CSF2RA: variants seen among roughly 807,000 people sequenced by gnomAD.
CSF2RA encodes colony stimulating factor 2 receptor subunit alpha.
CSF2RA carries 42 observed loss-of-function variants against 51.6 expected under a neutral mutation model. The observed-to-expected ratio is 0.81, with a 90% CI of 0.64 to 1.05. The LOEUF (loss-of-function observed/expected upper bound fraction) is 1.05, where lower values mean the gene tolerates loss of function less well. CSF2RA is among the 50% of genes least tolerant of loss of function. The pLI is 0.00. For missense variants in CSF2RA, 530 were observed against 501.1 expected (o/e 1.06, Z -0.55); for synonymous variants, 222 against 193.0 (o/e 1.15, Z -1.24).
chrX:1,297,594 CCCCTGGAGGAA>C (rs2092048334), intron 9 of CSF2RA, among the ~76,000 whole-genome samples: 1 of 59,568 alleles, frequency 1.7e-5, no homozygotes. Context: ...CTACCCATGA[CCCCTGGAGGAA>C]CCCTACAGTC....
rs1356024060 is a variant in CSF2RA, at chrX:1,300,545, A to G, written c.865A>G (p.Arg289Gly). The change falls in exon 10 of 13, where the codon AGA becomes GGA. Residue 289 changes from arginine to glycine, a missense_variant. Arg to Gly is a moderately radical substitution (Grantham distance 125). Transcript: ENST00000381529. ...ATACAACTTTCCAAGCTCTGAGCCC[A>G]GAGCAAAACACAGTGTGAAGATCAG... ...NRYNFPSSEP[R>G]AKHSVKIRAA... 2.5e-6 allele frequency: 4 copies of G among 1,613,856 alleles called. No individual in the cohort carries two copies. The highest frequency in any genetic ancestry group is 3.4e-6 in the Non-Finnish European group (4 of 1,179,870).
the CSF2RA span, among the ~76,000 whole-genome samples, chrX:1,319,670 C>G: frequency 6.7e-6 from 1 of 149,236 alleles, no homozygotes; most frequent in Non-Finnish European, 1.5e-5. Flanking sequence ...CCTGCCTCAG[C>G]CTCCCAAAGT....
chrX:1,319,872 G>A, the CSF2RA span, among the ~76,000 whole-genome samples: 1 of 143,014 alleles, frequency 7.0e-6, no homozygotes. Flanking sequence ...GTGCCACCAC[G>A]CCTGGCTAAT....
chrX:1,300,773 G>C, intron 10 of CSF2RA, 147 bp downstream of exon 10: 2 of 1,066,672 alleles, frequency 1.9e-6, no homozygotes, highest in Non-Finnish European at 2.9e-6. Flanking sequence ...TATCGCTGAG[G>C]CTCAAAAGAA....
the CSF2RA span, among the ~76,000 whole-genome samples, chrX:1,325,062 G>A: frequency 8.6e-5 from 13 of 151,798 alleles, no homozygotes; most frequent in African/African-American, 2.9e-4. Context: ...GCCCCGTCCT[G>A]AGTTGAAAAC....
In CSF2RA at chrX:1,305,538, G is replaced by T. The variant is rs2083471181; in HGVS notation, c.1125+11G>T. On this transcript the variant is annotated intron_variant, in intron 12 of 12. Coordinates refer to ENST00000381529, the MANE Select transcript of CSF2RA (RefSeq NM_172245.4). ...GAGGTGGAAGACGAGGTAGGCAGGG[G>T]TGGGCGGAGCAGTGACCTGGGATGG... is the stretch of plus-strand genomic sequence containing the variant. 6.2e-7 allele frequency: 1 copy of T among 1,613,966 alleles called. No homozygotes were observed. The highest frequency in any genetic ancestry group is 2.2e-5 in the East Asian group (1 of 44,880).
At chrX:1,310,622 C>G (rs1321292893), downstream of CSF2RA, among the ~76,000 whole-genome samples, 1 of 146,562 alleles carries the variant, frequency 6.8e-6, no homozygotes, top group Non-Finnish European at 1.5e-5. Flanking sequence ...GAACCGAGAT[C>G]ACAACACCGC....
intron 4 of CSF2RA, chrX:1,287,147 CTTT>C (rs760358278): frequency 1.4e-4 from 15 of 110,794 alleles, no homozygotes; most frequent in Non-Finnish European, 2.0e-4. Context: ...AGATGACATA[CTTT>C]TTTTTTTTTT....
At chrX:1,316,132 C>G in the CSF2RA span, among the ~76,000 whole-genome samples, 4 of 149,294 alleles carry the variant, frequency 2.7e-5, no homozygotes, top group Middle Eastern at 6.9e-3. Context: ...TAGACAGATA[C>G]ATAGATAGAT....
At chrX:1,306,401 C>T (rs1336830658) in intron 12 of CSF2RA, among the ~76,000 whole-genome samples, 1 of 152,050 alleles carries the variant, frequency 6.6e-6, no homozygotes, top group East Asian at 1.9e-4. Flanking sequence ...CATCCCAGCA[C>T]TTTGGGAGGC....
chrX:1,274,469 C>T lies in CSF2RA; in HGVS notation c.-90-286C>T, dbSNP rs752056761. ...CCTTCTGAGTAGCTGGGATTATAGG[C>T]ACCCACTACCGCGCCCAGCTAATTT... On this transcript the variant is annotated intron_variant, in intron 1 of 12. Coordinates refer to ENST00000381529, the MANE Select transcript of CSF2RA (RefSeq NM_172245.4). 1.9e-3 allele frequency among the ~76,000 whole-genome samples: 285 copies of T among 148,996 alleles called. 1 individual carries two copies. Among genetic ancestry groups the T allele is most frequent in the Non-Finnish European group, 3.4e-3 (232 of 67,414 alleles).
At chrX:1,273,697 C>T (rs2088757586) in intron 1 of CSF2RA, among the ~76,000 whole-genome samples, 1 of 151,362 alleles carries the variant, frequency 6.6e-6, no homozygotes, top group South Asian at 2.1e-4. Flanking sequence ...TCTCCTGCCT[C>T]AGTCTCCCGA....
Position 1,295,444 on chromosome X carries a change from G to A in CSF2RA, c.798G>A (p.Thr266=), listed in dbSNP as rs202145773. Residue 266 remains threonine (T), a synonymous_variant, in exon 9 of 13, where the codon ACG becomes ACA. Transcript: ENST00000381529. ...DVHRKNTQPG[T]ENLLINVSGD... ...GTTTCTAGAATACCCAGCCTGGCAC[G>A]GAAAACCTACTGGTAAGTGAAACCA... 58 of 1,613,412 alleles carry A rather than the reference G, an allele frequency of 3.6e-5. No homozygotes were observed. The highest frequency in any genetic ancestry group is 3.3e-4 in the Middle Eastern group (2 of 6,052).
In CSF2RA at chrX:1,305,723, G is replaced by C. The variant is rs754245031; in HGVS notation, c.1125+196G>C. 5 of 1,553,450 alleles carry C rather than the reference G, an allele frequency of 3.2e-6. No individual in the cohort carries two copies. In the South Asian group the frequency reaches 5.9e-5, roughly 18 times the overall value. ...GGTCTTCTCCAAGGTTGGGGTCAGAGTCATCTCTGTGAGCTCCATCAGGAG... is the reference window on the plus strand; with the variant it reads ...GGTCTTCTCCAAGGTTGGGGTCAGACTCATCTCTGTGAGCTCCATCAGGAG... On this transcript the variant is annotated intron_variant, in intron 12 of 12. Coordinates refer to ENST00000381529, the MANE Select transcript of CSF2RA (RefSeq NM_172245.4).
chrX:1,294,745 G>C (rs1482525375), intron 8 of CSF2RA, among the ~76,000 whole-genome samples: 1 of 151,778 alleles, frequency 6.6e-6, no homozygotes, highest in Admixed American at 6.6e-5. Context: ...CACAAGCAAG[G>C]AGAGCCTCTG....
the CSF2RA span, among the ~76,000 whole-genome samples, chrX:1,319,153 G>A: frequency 0.34 from 49,590 of 146,688 alleles, 10,021 homozygotes; most frequent in African/African-American, 0.47. Context: ...CCGCCACCAC[G>A]CCTGGCTAAT....
chrX:1,322,792 A>G, the CSF2RA span, among the ~76,000 whole-genome samples: 1 of 152,192 alleles, frequency 6.6e-6, no homozygotes, highest in South Asian at 2.1e-4. Context: ...TCAGAATGGG[A>G]CATTATTTCA....
intron 9 of CSF2RA, among the ~76,000 whole-genome samples, chrX:1,298,604 TCCCC>T: frequency 2.3e-5 from 1 of 44,246 alleles, no homozygotes; most frequent in Non-Finnish European, 4.4e-5. Flanking sequence ...AACCCTACAG[TCCCC>T]TACTCACGAC....
intron 7 of CSF2RA, among the ~76,000 whole-genome samples, chrX:1,293,665 T>G (rs1473171159): frequency 1.4e-5 from 2 of 147,778 alleles, no homozygotes; most frequent in African/African-American, 2.5e-5. Flanking sequence ...CTACTCCATA[T>G]CTACCTGGAC....
Sources: allele counts gnomAD v4.1 joint callset (sites outside exome capture counted in the v4.1 genomes callset), GRCh38; gene constraint gnomAD v4.1.1; transcripts MANE v1.5; gene names NCBI Gene and HGNC (gene_info 2026-07-23, HGNC 2026-07-21).